NCR1: variants seen among roughly 807,000 people sequenced by gnomAD.
NCR1 encodes NK cell-activating receptor.
Under a neutral mutation model 32.5 loss-of-function variants are expected in NCR1, and 30 were observed. The observed-to-expected ratio is 0.92, with a 90% CI of 0.69 to 1.25. The LOEUF is 1.25. NCR1 is among the 50% of genes most tolerant of loss of function. The pLI is 0.00. For synonymous variants in NCR1, 169 were observed against 143.4 expected, an observed-to-expected ratio of 1.18 and a Z score of -1.28; for missense variants, 369 against 380.7, an observed-to-expected ratio of 0.97 and a Z score of 0.26.
chr19:54,911,370 G>A (rs1349035932), intron 5 of NCR1, among the ~76,000 whole-genome samples: 1 of 145,630 alleles, frequency 6.9e-6, no homozygotes, highest in Admixed American at 7.0e-5. Flanking sequence ...AAAAGAAAAA[G>A]AAAAAGAAAA....
At chr19:54,923,508 C>G in the NCR1 span, 4 of 587,884 alleles carry the variant, frequency 6.8e-6, no homozygotes, top group Non-Finnish European at 1.2e-5. Flanking sequence ...ATAAACGCAG[C>G]TGCAACGAGA....
chr19:54,910,203 G>A (rs187632186), intron 5 of NCR1, 138 bp downstream of exon 5: 78 of 788,382 alleles, frequency 9.9e-5, no homozygotes, highest in East Asian at 4.0e-4. Flanking sequence ...TTGGGAGGCC[G>A]AGATGGTGCA....
At chr19:54,902,562 T>C (rs1465043394), upstream of NCR1, among the ~76,000 whole-genome samples, 1 of 152,018 alleles carries the variant, frequency 6.6e-6, no homozygotes, top group Non-Finnish European at 1.5e-5. Flanking sequence ...CCACTGCACC[T>C]GGCCAGAAAT....
At chr19:54,903,351 CAT>C (rs150625776), upstream of NCR1, among the ~76,000 whole-genome samples, 295 of 117,382 alleles carry the variant, frequency 2.5e-3, 11 homozygotes, top group South Asian at 4.8e-3. Context: ...TACATATATG[CAT>C]ATATACATAC....
At chr19:54,918,184 G>A (rs185853278), downstream of NCR1, among the ~76,000 whole-genome samples, 1,071 of 151,960 alleles carry the variant, frequency 7.0e-3, 12 homozygotes, top group African/African-American at 0.024. Context: ...CTCCCGCCTC[G>A]GCCTCTCAAA....
the NCR1 span, among the ~76,000 whole-genome samples, chr19:54,921,522 A>G: frequency 2.0e-5 from 3 of 152,198 alleles, no homozygotes; most frequent in African/African-American, 4.8e-5. Context: ...CTGTCATCCC[A>G]GCACTTTGGG....
chr19:54,926,938 A>T, the NCR1 span, among the ~76,000 whole-genome samples: 1 of 143,952 alleles, frequency 6.9e-6, no homozygotes, highest in Non-Finnish European at 1.5e-5. Context: ...AAAAAAAAAA[A>T]AATTAGCCAG....
At chr19:54,920,082 T>C (rs1299555748), downstream of NCR1, among the ~76,000 whole-genome samples, 2 of 152,198 alleles carry the variant, frequency 1.3e-5, no homozygotes, top group Non-Finnish European at 2.9e-5. Context: ...GGTATAACAA[T>C]TCTTGTTTTA....
chr19:54,909,664 C>A, intron 4 of NCR1, 141 bp downstream of exon 4: 2 of 1,039,598 alleles, frequency 1.9e-6, no homozygotes, highest in Non-Finnish European at 1.4e-6. Context: ...GGAAGAACAC[C>A]AGAAGCAGGA....
the NCR1 span, among the ~76,000 whole-genome samples, chr19:54,899,593 G>A: frequency 0.03 from 4,611 of 152,098 alleles, 94 homozygotes; most frequent in Non-Finnish European, 0.045. Context: ...AAGGGATCGG[G>A]GGATTCTTGC....
At chr19:54,931,844 TAA>T in the NCR1 span, among the ~76,000 whole-genome samples, 2 of 108,320 alleles carry the variant, frequency 1.8e-5, no homozygotes. Context: ...GAGAGACTGT[TAA>T]AAAAAAAAAA....
At chr19:54,907,057 G>A (rs1033520580) in intron 3 of NCR1, among the ~76,000 whole-genome samples, 6 of 152,134 alleles carry the variant, frequency 3.9e-5, no homozygotes, top group Non-Finnish European at 7.4e-5. Flanking sequence ...TTTGTATGCA[G>A]GGGTATGACT....
upstream of NCR1, among the ~76,000 whole-genome samples, chr19:54,903,534 A>G (rs587716197): frequency 9.9e-5 from 14 of 140,996 alleles, no homozygotes; most frequent in Non-Finnish European, 1.5e-4. Flanking sequence ...ATACATATAT[A>G]TGCATGTATG....
At chr19:54,916,539 G>A (rs866960347), downstream of NCR1, among the ~76,000 whole-genome samples, 3 of 150,762 alleles carry the variant, frequency 2.0e-5, no homozygotes, top group African/African-American at 7.3e-5. Flanking sequence ...CAAACTCCTG[G>A]TCTCAGGTGA....
At chr19:54,906,475 TG>T in intron 2 of NCR1, 47 bp from the exon 3 acceptor site, 1 of 1,599,500 alleles carries the variant, frequency 6.3e-7, no homozygotes. Flanking sequence ...AGCCTAAGGT[TG>T]GGGGGAGGGG....
chr19:54,936,441 A>C, the NCR1 span: 1 of 1,611,590 alleles, frequency 6.2e-7, no homozygotes, highest in Non-Finnish European at 8.5e-7. Flanking sequence ...CCTAGGGAAA[A>C]GCAGAAGAGA....
chr19:54,910,540 C>T (rs2067917965), intron 5 of NCR1, among the ~76,000 whole-genome samples: 1 of 151,996 alleles, frequency 6.6e-6, no homozygotes, highest in East Asian at 1.9e-4. Flanking sequence ...CTGCATTCCA[C>T]TCCACTGCAC....
At chr19:54,923,505 C>T in the NCR1 span, 1 of 584,066 alleles carries the variant, frequency 1.7e-6, no homozygotes. Context: ...TCAATAAACG[C>T]AGCTGCAACG....
chr19:54,936,153 T>A, the NCR1 span: 6 of 951,242 alleles, frequency 6.3e-6, no homozygotes, highest in African/African-American at 1.6e-5. Flanking sequence ...AGGAATACAT[T>A]CCCTGTCTGG....
Sources: allele counts gnomAD v4.1 joint callset (sites outside exome capture counted in the v4.1 genomes callset), GRCh38; gene constraint gnomAD v4.1.1; transcripts MANE v1.5; gene names NCBI Gene and HGNC (gene_info 2026-07-23, HGNC 2026-07-21).